SYNCRIP: variants seen among roughly 807,000 people sequenced by gnomAD.
SYNCRIP encodes the protein heterogeneous nuclear ribonucleoprotein Q.
A neutral mutation model predicts 68.9 loss-of-function variants in SYNCRIP; 9 were observed. That is an observed-to-expected ratio of 0.13 (90% CI 0.08 to 0.23). The LOEUF is 0.23. SYNCRIP is among the 10% of genes least tolerant of loss of function. SYNCRIP has a pLI of 1.00. For missense variants in SYNCRIP, 414 were observed against 770.6 expected (o/e 0.54, Z 5.48); for synonymous variants, 258 against 254.0 (o/e 1.02, Z -0.15).
At chr6:85,630,565 T>C (rs1807624138) in intron 6 of SYNCRIP, among the ~76,000 whole-genome samples, 1 of 152,240 alleles carries the variant, frequency 6.6e-6, no homozygotes, top group Non-Finnish European at 1.5e-5. Flanking sequence ...CCCTTCTTCA[T>C]GGTCTTTAAA....
At position 85,623,562 on chromosome 6, in the gene SYNCRIP, C is replaced by CCAAAAAAAAAAAAAAAAA. The variant is rs572909849; in HGVS notation, c.802+414_802+415insTTTTTTTTTTTTTTTTTG. ...CTGGGCAACAAAGCAAGACTGTCTC[C>CCAAAAAAAAAAAAAAAAA]AAAAAAAAAAAAAAAAAAAAACACT... On this transcript the variant is annotated intron_variant, in intron 7 of 10. Coordinates refer to ENST00000369622, the MANE Select transcript of SYNCRIP (RefSeq NM_006372.5). Among the ~76,000 whole-genome samples, 45 of 63,258 alleles carry CCAAAAAAAAAAAAAAAAA rather than the reference C, an allele frequency of 7.1e-4. 4 individuals carry two copies. Among genetic ancestry groups the CCAAAAAAAAAAAAAAAAA allele is most frequent in the East Asian group, 3.5e-3 (6 of 1,722 alleles). 41.5% of individuals were successfully genotyped at this position (63,258 alleles called of 152,430 possible). A position where few individuals can be genotyped will look rare whatever the true frequency, so the allele number is the denominator to read the frequency against.
At chr6:85,631,339 C>CA (rs71003000) in intron 6 of SYNCRIP, among the ~76,000 whole-genome samples, 3,719 of 91,676 alleles carry the variant, frequency 0.041, 113 homozygotes, top group African/African-American at 0.05. Context: ...ACTGTGTCTC[C>CA]AAAAAAAAAA....
rs139583691 is a variant in SYNCRIP, at chr6:85,629,853, G to A, written c.667-5741C>T. Among the ~76,000 whole-genome samples, 1,215 of 151,874 alleles carry A rather than the reference G, an allele frequency of 8.0e-3. 19 individuals carry two copies. The highest frequency in any genetic ancestry group is 0.028 in the African/African-American group (1,163 of 41,438). ...AACAAAATTAGTCAGGCATGGTGGCGGGCTCCTGTAGTCCCAGCTACTCGG... is the reference window on the plus strand; with the variant it reads ...AACAAAATTAGTCAGGCATGGTGGCAGGCTCCTGTAGTCCCAGCTACTCGG... On this transcript the variant is annotated intron_variant, in intron 6 of 10. Transcript: ENST00000369622.
chr6:85,622,093 C>T (rs1056092893), intron 8 of SYNCRIP, among the ~76,000 whole-genome samples: 2 of 152,122 alleles, frequency 1.3e-5, no homozygotes, highest in East Asian at 3.9e-4. Flanking sequence ...TGTCCAGGGC[C>T]AGGTGCAATA....
intron 6 of SYNCRIP, among the ~76,000 whole-genome samples, chr6:85,630,310 G>A (rs113909646): frequency 3.3e-5 from 5 of 152,106 alleles, no homozygotes; most frequent in Admixed American, 2.0e-4. Context: ...GCAATGAGCC[G>A]AGATCGTGCC....
Position 85,622,347 on chromosome 6 carries a change from A to C in SYNCRIP, c.1008+135T>G, listed in dbSNP as rs1806513025. On this transcript the variant is annotated intron_variant, in intron 8 of 10. Coordinates refer to ENST00000369622, the MANE Select transcript of SYNCRIP (RefSeq NM_006372.5). The stretch of plus-strand genomic sequence containing the variant: ...TGGCACCATGGCACTCCAGCCTGGG[A>C]AACATGGGAAACAAGAGACTCTTGT... 3.5e-6 allele frequency: 3 copies of C among 857,256 alleles called. No individual in the cohort carries two copies. In the Admixed American group the frequency reaches 7.5e-5, roughly 21 times the overall value. 53.1% of individuals were successfully genotyped at this position (857,256 alleles called of 1,614,324 possible).
At chr6:85,639,771 T>C (rs995607659) in intron 4 of SYNCRIP, among the ~76,000 whole-genome samples, 3 of 152,140 alleles carry the variant, frequency 2.0e-5, no homozygotes, top group Admixed American at 6.5e-5. Flanking sequence ...AACAATCTTA[T>C]TGTCAAAGCT....
At chr6:85,642,251 C>A (rs1316654519) in intron 1 of SYNCRIP, among the ~76,000 whole-genome samples, 3 of 152,160 alleles carry the variant, frequency 2.0e-5, no homozygotes, top group African/African-American at 7.2e-5. Context: ...CATGGCTCTC[C>A]GCCCCTGGCG....
At chr6:85,638,954 A>C (rs1274247996) in intron 4 of SYNCRIP, among the ~76,000 whole-genome samples, 2 of 152,210 alleles carry the variant, frequency 1.3e-5, no homozygotes, top group Non-Finnish European at 2.9e-5. Flanking sequence ...TCACACCTGT[A>C]ATCTCAGGAC....
chr6:85,641,665 C>T (rs1263748883), intron 1 of SYNCRIP, among the ~76,000 whole-genome samples: 1 of 152,140 alleles, frequency 6.6e-6, no homozygotes, highest in Non-Finnish European at 1.5e-5. Flanking sequence ...CAGCACCACC[C>T]CTGACTCACC....
downstream of SYNCRIP, among the ~76,000 whole-genome samples, chr6:85,613,822 C>T (rs1371980949): frequency 2.0e-5 from 3 of 152,162 alleles, no homozygotes; most frequent in African/African-American, 7.2e-5. Flanking sequence ...GCAATATACT[C>T]AATCTGAGTT....
intron 8 of SYNCRIP, among the ~76,000 whole-genome samples, chr6:85,621,875 T>TA (rs1212706199): frequency 1.3e-5 from 2 of 152,114 alleles, no homozygotes; most frequent in Non-Finnish European, 2.9e-5. Context: ...AAATTGCTCT[T>TA]AAAAAACACA....
At position 85,629,961 on chromosome 6, in the gene SYNCRIP, T is replaced by C. The variant is rs569354824; in HGVS notation, c.667-5849A>G. 1.7e-4 allele frequency among the ~76,000 whole-genome samples: 25 copies of C among 150,858 alleles called. 1 individual carries two copies. In the East Asian group the frequency reaches 3.9e-3, roughly 24 times the overall value. ...ATAGCGCCGCTGTGCTCCAGCCTCGTTGAGAGTGAGGATTTGTCTCAAAAA... is the reference window on the plus strand; with the variant it reads ...ATAGCGCCGCTGTGCTCCAGCCTCGCTGAGAGTGAGGATTTGTCTCAAAAA... On this transcript the variant is annotated intron_variant, in intron 6 of 10. Transcript: ENST00000369622.
chr6:85,620,963 T>A (rs1806314382), intron 8 of SYNCRIP, among the ~76,000 whole-genome samples: 2 of 152,214 alleles, frequency 1.3e-5, no homozygotes, highest in East Asian at 1.9e-4. Flanking sequence ...CAAAACTAAT[T>A]AGGACCTGCT....
intron 7 of SYNCRIP, among the ~76,000 whole-genome samples, 196 bp downstream of exon 7, chr6:85,623,781 C>T (rs1335251721): frequency 6.6e-6 from 1 of 152,106 alleles, no homozygotes; most frequent in Non-Finnish European, 1.5e-5. Context: ...ACTTGTACAA[C>T]GTTTGGCAAG....
At chr6:85,641,211 C>T in intron 2 of SYNCRIP, 81 bp downstream of exon 2, 1 of 1,232,946 alleles carries the variant, frequency 8.1e-7, no homozygotes, top group Non-Finnish European at 1.1e-6. Context: ...TTGGAAACCA[C>T]AAAAAGTTGC....
chr6:85,641,111 C>A (rs1275708889), intron 2 of SYNCRIP, among the ~76,000 whole-genome samples, 181 bp downstream of exon 2: 1 of 152,106 alleles, frequency 6.6e-6, no homozygotes, highest in Non-Finnish European at 1.5e-5. Context: ...CTAACCTTCT[C>A]TTCTTCCCTC....
intron 6 of SYNCRIP, among the ~76,000 whole-genome samples, chr6:85,630,225 G>A (rs1807575523): frequency 6.6e-6 from 1 of 152,090 alleles, no homozygotes. Flanking sequence ...AGCCGGGTGT[G>A]GTGGCAGGCG....
At chr6:85,617,460 T>G (rs1366936828) in intron 10 of SYNCRIP, among the ~76,000 whole-genome samples, 1 of 152,248 alleles carries the variant, frequency 6.6e-6, no homozygotes, top group Non-Finnish European at 1.5e-5. Flanking sequence ...TTACACTGTT[T>G]AGTATATCCA....
Sources: gnomAD v4.1 joint callset for allele counts (sites outside exome capture counted in the v4.1 genomes callset) on GRCh38, gnomAD v4.1.1 for gene constraint, MANE v1.5 for transcripts, NCBI Gene and HGNC (gene_info 2026-07-23, HGNC 2026-07-21) for gene names.